Variants in DENND2D observed in about 807,000 individuals in gnomAD.
DENND2D encodes DENN domain-containing protein 2D.
DENND2D carries 37 observed loss-of-function variants against 59.8 expected under a neutral mutation model. The observed-to-expected ratio is 0.62, with a 90% CI of 0.48 to 0.81. The LOEUF (loss-of-function observed/expected upper bound fraction) is 0.81. Among genes scored for constraint, DENND2D ranks in the 40% least tolerant of loss-of-function variants. DENND2D has a pLI of 0.00. For missense variants in DENND2D, 525 were observed against 579.7 expected, an observed-to-expected ratio of 0.91 and a Z score of 0.97; for synonymous variants, 219 against 211.3, an observed-to-expected ratio of 1.04 and a Z score of -0.31.
At chr1:111,204,381 C>A, upstream of DENND2D, 1 of 1,382,280 alleles carries the variant, frequency 7.2e-7, no homozygotes, top group South Asian at 1.6e-5. Context: ...GCTCCCGCTC[C>A]CAGCTCCGCG....
chr1:111,189,462 GTGTT>G, intron 8 of DENND2D: 2 of 587,100 alleles, frequency 3.4e-6, no homozygotes, highest in Non-Finnish European at 6.1e-6. Flanking sequence ...AAGGGTGTGG[GTGTT>G]TGTAGGAAGG....
Position 111,196,024 on chromosome 1 carries a change from G to A in DENND2D, c.537C>T (p.Ile179=). 6.2e-7 allele frequency: 1 copy of A among 1,613,402 alleles called. No individual in the cohort carries two copies. Among genetic ancestry groups the A allele is most frequent in the Non-Finnish European group, 8.5e-7 (1 of 1,179,672 alleles). ...TGAACGGGTAGATGACAGCCATGGA[G>A]ATCTGATGTCTCTTCTCCACTTCAT... ...ILDEVEKRHQ[I]SMAVIYPFMQ... is the part of the protein sequence containing the mutation. The change falls in exon 6 of 12, where the codon ATC becomes ATT. Residue 179 remains isoleucine, a synonymous_variant. Coordinates refer to ENST00000357640, the MANE Select transcript of DENND2D (RefSeq NM_024901.5).
chr1:111,204,483 G>C (rs942844335), upstream of DENND2D: 4 of 1,017,610 alleles, frequency 3.9e-6, no homozygotes, highest in Non-Finnish European at 5.2e-6. Context: ...GGGGCGGCGC[G>C]GCGCACCTTC....
chr1:111,204,113 T>G, upstream of DENND2D: 8 of 61,644 alleles, frequency 1.3e-4, no homozygotes, highest in Non-Finnish European at 1.7e-4. Flanking sequence ...CACCTGACCC[T>G]CTTCCCCTCT....
chr1:111,189,091 T>G, intron 9 of DENND2D, 121 bp downstream of exon 9: 3 of 1,192,906 alleles, frequency 2.5e-6, no homozygotes, highest in Non-Finnish European at 3.6e-6. Context: ...TGTGGTCTTT[T>G]TAGCACAGAT....
chr1:111,197,172 C>G lies in DENND2D; in HGVS notation c.504+4G>C, dbSNP rs752549248. On this transcript the variant is annotated splice_donor_region_variant and intron_variant, in intron 5 of 11. Transcript: ENST00000357640. Reference sequence around the variant, plus strand: ...GGGCAGGCCCTGAGGAATCCTATCCCTACCTTGGAGAACAAGCCGAAGCAG... The same window carrying G: ...GGGCAGGCCCTGAGGAATCCTATCCGTACCTTGGAGAACAAGCCGAAGCAG... The G allele has an allele frequency of 5.0e-6, 8 of 1,608,952 alleles. No individual in the cohort carries two copies. In the South Asian group the frequency reaches 7.8e-5, roughly 16 times the overall value.
At position 111,187,677 on chromosome 1, in the gene DENND2D, A is replaced by G. The variant is rs1657343202; in HGVS notation, c.1344T>C (p.Tyr448=). The stretch of plus-strand genomic sequence containing the variant: ...CATATTCAAGTATTTTCTGTTGGAA[A>G]TAGCCTGTGGGTTCAAATACAGGTG... The part of the protein sequence containing the change: ...AEKSKNPPAG[Y]FQQKILEYEE... Residue 448 remains tyrosine (Y), a synonymous_variant, in exon 12 of 12, where the codon TAT becomes TAC. Transcript: ENST00000357640. 3.7e-6 allele frequency: 6 copies of G among 1,613,342 alleles called. No homozygotes were observed. Among genetic ancestry groups the G allele is most frequent in the Non-Finnish European group, 5.1e-6 (6 of 1,179,568 alleles).
chr1:111,189,721 G>A (rs1261433723), intron 8 of DENND2D, among the ~76,000 whole-genome samples: 2 of 152,158 alleles, frequency 1.3e-5, no homozygotes, highest in East Asian at 3.8e-4. Flanking sequence ...CTGCTAATAA[G>A]AGAACCAATT....
At position 111,197,415 on chromosome 1, in the gene DENND2D, A is replaced by G. The variant is rs115338388; in HGVS notation, c.427-162T>C. The G allele has an allele frequency of 4.4e-5, 64 of 1,452,144 alleles. No homozygotes were observed. The African/African-American group carries it at 8.1e-4, about 18-fold the overall frequency. 90.0% of individuals were successfully genotyped at this position (1,452,144 alleles called of 1,614,324 possible). On this transcript the variant is annotated intron_variant, in intron 4 of 11. Transcript: ENST00000357640. ...ATGGCCACCAGCATCAAAAGAAGAAATCCTTGAGGGTACTGGGTGAGTTGG... is the reference window on the plus strand; with the variant it reads ...ATGGCCACCAGCATCAAAAGAAGAAGTCCTTGAGGGTACTGGGTGAGTTGG...
At chr1:111,188,031 ATT>A in intron 11 of DENND2D, 98 bp downstream of exon 11, 1 of 1,486,120 alleles carries the variant, frequency 6.7e-7, no homozygotes, top group Non-Finnish European at 9.0e-7. Flanking sequence ...ACCTACAGCT[ATT>A]TTGTGGGTTT....
chr1:111,197,851 C>T (rs1305701096), intron 4 of DENND2D, 69 bp downstream of exon 4: 2 of 1,607,850 alleles, frequency 1.2e-6, no homozygotes, highest in African/African-American at 1.3e-5. Context: ...GCAGCTCAGG[C>T]TTGAGCAAGC....
At chr1:111,194,785 G>A in intron 6 of DENND2D, 59 bp from the exon 7 acceptor site, 5 of 1,582,596 alleles carry the variant, frequency 3.2e-6, no homozygotes, top group South Asian at 1.1e-5. Flanking sequence ...TGCAGACCCC[G>A]AGGTGCTAGG....
At chr1:111,197,643 A>G (rs1658371342) in intron 4 of DENND2D, 5 of 1,360,454 alleles carry the variant, frequency 3.7e-6, no homozygotes, top group Admixed American at 6.0e-5. Flanking sequence ...CAAGGTAAGC[A>G]GGCCTGGATA....
intron 3 of DENND2D, 89 bp downstream of exon 3, chr1:111,198,541 C>T: frequency 3.9e-6 from 5 of 1,288,840 alleles, no homozygotes; most frequent in South Asian, 3.7e-5. Flanking sequence ...CAACAAATGA[C>T]AGCAGTGAGG....
intron 1 of DENND2D, 131 bp from the exon 2 acceptor site, chr1:111,199,929 G>T: frequency 8.5e-7 from 1 of 1,178,486 alleles, no homozygotes; most frequent in Non-Finnish European, 1.2e-6. Flanking sequence ...ATACTGGCCA[G>T]AACCACCAGT....
intron 4 of DENND2D, chr1:111,197,620 A>G (rs945588853): frequency 6.6e-6 from 9 of 1,358,778 alleles, no homozygotes; most frequent in Non-Finnish European, 8.5e-6. Context: ...CTGCTCTGGG[A>G]GGCTCCAGGG....
Position 111,187,735 on chromosome 1 carries a change from A to C in DENND2D, c.1340-54T>G, listed in dbSNP as rs1657348484. ...CATCTGATCTGGTCAGGCAGATTAT[A>C]ATGAGCTCAGGAATAAGGATCAGAA... On this transcript the variant is annotated intron_variant, in intron 11 of 11. Coordinates refer to ENST00000357640, the MANE Select transcript of DENND2D (RefSeq NM_024901.5). The C allele has an allele frequency of 2.9e-6, 4 of 1,385,278 alleles. No homozygotes were observed. The African/African-American group carries it at 4.3e-5, about 15-fold the overall frequency. The allele number at this position is 1,385,278 out of a possible 1,614,324, so 85.8% of individuals were successfully genotyped here.
At chr1:111,198,582 G>C (rs368169530) in intron 3 of DENND2D, 48 bp downstream of exon 3, 92 of 1,580,880 alleles carry the variant, frequency 5.8e-5, no homozygotes, top group Non-Finnish European at 7.5e-5. Context: ...ACTCACACAT[G>C]TTCCTTCTCC....
In DENND2D at chr1:111,192,274, G is replaced by T; in HGVS notation, c.838C>A (p.Pro280Thr). 1 of 1,613,222 alleles carries T rather than the reference G, an allele frequency of 6.2e-7. No homozygotes were observed. Among genetic ancestry groups the T allele is most frequent in the Non-Finnish European group, 8.5e-7 (1 of 1,179,414 alleles). ...ATGTAGGTGTGCGCCCAGCTGAAGG[G>T]GTAGAGCAGTGCGGCAGCAGCATGG... Reference protein sequence around the residue: ...CIHAAAALLYPFSWAHTYIPV... With the variant: ...CIHAAAALLYTFSWAHTYIPV... The change falls in exon 8 of 12, where the codon CCC (proline) becomes ACC (threonine). Residue 280 changes from proline to threonine, a missense_variant. Pro to Thr is a conservative substitution (Grantham distance 38). Coordinates refer to ENST00000357640, the MANE Select transcript of DENND2D (RefSeq NM_024901.5).
Sources: allele counts gnomAD v4.1 joint callset (sites outside exome capture counted in the v4.1 genomes callset), GRCh38; gene constraint gnomAD v4.1.1; transcripts MANE v1.5; gene names NCBI Gene and HGNC (gene_info 2026-07-23, HGNC 2026-07-21).